Variants in PTPN13 observed in about 807,000 individuals in gnomAD.
PTPN13 encodes tyrosine-protein phosphatase non-receptor type 13.
In PTPN13, 191 loss-of-function variants were observed where a neutral mutation model predicts 284.0. The observed-to-expected ratio is 0.67, with a 90% confidence interval of 0.60 to 0.76. PTPN13 has a LOEUF of 0.76. Among genes scored for constraint, PTPN13 ranks in the 30% least tolerant of loss-of-function variants. PTPN13 has a pLI of 0.00. For missense variants in PTPN13, 2,797 were observed against 2,939.9 expected (o/e 0.95, Z 1.12); for synonymous variants, 986 against 1,022.3 (o/e 0.96, Z 0.68).
intron 38 of PTPN13, 147 bp from the exon 39 acceptor site, chr4:86,785,084 A>T: frequency 1.8e-6 from 1 of 568,018 alleles, no homozygotes; most frequent in Non-Finnish European, 3.0e-6. Context: ...GGATCACATT[A>T]GTGTAAACTA....
chr4:86,659,801 G>A (rs896461578), intron 2 of PTPN13, among the ~76,000 whole-genome samples: 2 of 150,736 alleles, frequency 1.3e-5, no homozygotes, highest in Non-Finnish European at 2.9e-5. Context: ...GGGTGACAGA[G>A]TAAGACTCAA....
At chr4:86,661,468 A>G (rs1726477742) in intron 2 of PTPN13, among the ~76,000 whole-genome samples, 1 of 152,204 alleles carries the variant, frequency 6.6e-6, no homozygotes, top group South Asian at 2.1e-4. Flanking sequence ...TAAGAAATGT[A>G]TACTATTTTA....
At chr4:86,668,856 C>A (rs1727397770) in intron 2 of PTPN13, among the ~76,000 whole-genome samples, 1 of 151,154 alleles carries the variant, frequency 6.6e-6, no homozygotes, top group Non-Finnish European at 1.5e-5. Flanking sequence ...ATCTGCCCAC[C>A]TCAGCCTCCC....
chr4:86,794,770 C>T (rs1348217144), intron 40 of PTPN13, among the ~76,000 whole-genome samples: 1 of 152,168 alleles, frequency 6.6e-6, no homozygotes. Context: ...TGATCTTTGA[C>T]AACCCTGACA....
chr4:86,763,352 G>A (rs1738926087), intron 24 of PTPN13, among the ~76,000 whole-genome samples, 162 bp downstream of exon 24: 1 of 152,204 alleles, frequency 6.6e-6, no homozygotes, highest in Non-Finnish European at 1.5e-5. Flanking sequence ...AACTTTCAGA[G>A]AAATCAACAG....
intron 2 of PTPN13, among the ~76,000 whole-genome samples, chr4:86,666,254 C>T (rs1727059410): frequency 6.6e-6 from 1 of 152,116 alleles, no homozygotes. Context: ...TGACAAGTTT[C>T]TCTGATATTG....
chr4:86,598,351 G>A (rs2149141723), intron 1 of PTPN13, among the ~76,000 whole-genome samples: 1 of 152,114 alleles, frequency 6.6e-6, no homozygotes, highest in East Asian at 1.9e-4. Context: ...TGCCATGTTG[G>A]CCAGTCTGGT....
At chr4:86,779,001 T>C (rs1339575794) in intron 35 of PTPN13, among the ~76,000 whole-genome samples, 1 of 151,366 alleles carries the variant, frequency 6.6e-6, no homozygotes, top group African/African-American at 2.4e-5. Flanking sequence ...TGTTCTGAAT[T>C]GTCTTCCGCT....
chr4:86,709,585 A>G (rs995615815), intron 7 of PTPN13, among the ~76,000 whole-genome samples: 3 of 152,204 alleles, frequency 2.0e-5, no homozygotes, highest in Non-Finnish European at 4.4e-5. Flanking sequence ...TGTCCAACTC[A>G]TAAGAGTAAA....
rs977818763 is a variant in PTPN13 at position 86,764,593 on chromosome 4, G to A, written c.4018G>A (p.Glu1340Lys). Residue 1340 changes from glutamate to lysine, a missense_variant and splice_region_variant, in exon 25 of 48, where the codon GAA becomes AAA. Physicochemically the swap from Glu to Lys is moderately conservative, Grantham distance 56 (BLOSUM62 1). Coordinates refer to ENST00000411767, the MANE Select transcript of PTPN13 (RefSeq NM_080683.3). ...SSQDHQTPKQ[E>K]SSSSVNTSNK... is the part of the protein sequence containing the mutation. ...TCTTTGTTTGTTTTTCTTTGTTAAG[G>A]AATCTTCCTCTTCAGTGAATACATC... is the stretch of plus-strand genomic sequence containing the variant. 6 of 1,472,678 alleles carry A rather than the reference G, an allele frequency of 4.1e-6. No homozygotes were observed. The Admixed American group carries it at 1.1e-4, about 27-fold the overall frequency. 91.2% of individuals were successfully genotyped at this position (1,472,678 alleles called of 1,614,324 possible).
At chr4:86,652,056 G>A (rs1280190519) in intron 2 of PTPN13, among the ~76,000 whole-genome samples, 1 of 152,096 alleles carries the variant, frequency 6.6e-6, no homozygotes, top group Non-Finnish European at 1.5e-5. Context: ...AATAGCCACT[G>A]TATTCTAGCT....
chr4:86,734,592 C>T, intron 13 of PTPN13, 136 bp downstream of exon 13: 3 of 1,260,396 alleles, frequency 2.4e-6, no homozygotes, highest in Admixed American at 2.9e-5. Context: ...TCTTTCAACA[C>T]AGTTTATCTA....
intron 44 of PTPN13, 141 bp from the exon 45 acceptor site, chr4:86,807,419 A>C (rs967157794): frequency 1.1e-4 from 70 of 636,268 alleles, no homozygotes; most frequent in Middle Eastern, 3.5e-4. Flanking sequence ...ACAATTTGAA[A>C]ATATACTTCT....
At chr4:86,684,697 A>G (rs1729253357) in intron 3 of PTPN13, among the ~76,000 whole-genome samples, 1 of 152,158 alleles carries the variant, frequency 6.6e-6, no homozygotes, top group African/African-American at 2.4e-5. Flanking sequence ...GATACAGTTT[A>G]TAGAATTGAA....
At chr4:86,751,435 C>A (rs947592943) in intron 19 of PTPN13, among the ~76,000 whole-genome samples, 1 of 152,184 alleles carries the variant, frequency 6.6e-6, no homozygotes. Context: ...GATCCCCCCA[C>A]CTCAGCCTCC....
intron 44 of PTPN13, 106 bp from the exon 45 acceptor site, chr4:86,807,454 C>T: frequency 2.4e-6 from 2 of 816,670 alleles, no homozygotes; most frequent in Non-Finnish European, 2.0e-6. Context: ...GTGATTTCAT[C>T]TGTGACTATG....
chr4:86,766,053 C>A (rs1043206128), intron 26 of PTPN13, among the ~76,000 whole-genome samples: 1 of 152,140 alleles, frequency 6.6e-6, no homozygotes, highest in African/African-American at 2.4e-5. Flanking sequence ...GTCTCGAACT[C>A]CTGACCTCAG....
chr4:86,681,240 A>G (rs902579966), intron 3 of PTPN13, among the ~76,000 whole-genome samples: 3 of 152,142 alleles, frequency 2.0e-5, no homozygotes, highest in African/African-American at 7.2e-5. Context: ...ACTTTTTTTA[A>G]TACATAGGTG....
Position 86,716,518 on chromosome 4 carries a change from T to C in PTPN13, c.1196-12T>C, listed in dbSNP as rs770295719. ...AGTTTGCTTTCTAATCTTTTTGTTT[T>C]AATCCTTTTAGAACCAGTTCGAAGA... On this transcript the variant is annotated splice_polypyrimidine_tract_variant and intron_variant, in intron 7 of 47. Coordinates refer to ENST00000411767, the MANE Select transcript of PTPN13 (RefSeq NM_080683.3). 6.6e-7 allele frequency: 1 copy of C among 1,507,554 alleles called. No homozygotes were observed. Among genetic ancestry groups the C allele is most frequent in the East Asian group, 2.3e-5 (1 of 43,558 alleles). The allele number at this position is 1,507,554 out of a possible 1,614,324, so 93.4% of individuals were successfully genotyped here. A position where few individuals can be genotyped will look rare whatever the true frequency, so the allele number is the denominator to read the frequency against.
Sources: gnomAD v4.1 joint callset for allele counts (sites outside exome capture counted in the v4.1 genomes callset) on GRCh38, gnomAD v4.1.1 for gene constraint, MANE v1.5 for transcripts, NCBI Gene and HGNC (gene_info 2026-07-23, HGNC 2026-07-21) for gene names.